The following OTOP1 variants were observed in gnomAD, a reference collection of about 807,000 sequenced individuals.
OTOP1 encodes proton channel OTOP1.
OTOP1 carries 59 observed loss-of-function variants against 52.9 expected under a neutral mutation model. That is an observed-to-expected ratio of 1.12 (90% CI 0.91 to 1.39). The LOEUF (loss-of-function observed/expected upper bound fraction) is 1.39. Among genes scored for constraint, OTOP1 ranks in the 40% most tolerant of loss-of-function variants. OTOP1 has a pLI of 0.00. For synonymous variants in OTOP1, 317 were observed against 337.7 expected, an observed-to-expected ratio of 0.94 and a Z score of 0.67; for missense variants, 761 against 800.9, an observed-to-expected ratio of 0.95 and a Z score of 0.60.
chr4:4,219,504 A>C (rs781387887), intron 1 of OTOP1, among the ~76,000 whole-genome samples: 17 of 151,952 alleles, frequency 1.1e-4, no homozygotes, highest in Admixed American at 1.1e-3. Context: ...GATCGAGACC[A>C]TCCTGGCCAA....
intron 4 of OTOP1, among the ~76,000 whole-genome samples, chr4:4,199,602 A>T (rs1217378361): frequency 6.6e-6 from 1 of 152,072 alleles, no homozygotes; most frequent in Non-Finnish European, 1.5e-5. Context: ...TTGTAGAGAC[A>T]GGGTTCCGCC....
chr4:4,198,741 G>T (rs1257172204), intron 4 of OTOP1, among the ~76,000 whole-genome samples: 9 of 152,138 alleles, frequency 5.9e-5, no homozygotes, highest in African/African-American at 2.2e-4. Context: ...GCTGGCTGCG[G>T]TATGGAGGGC....
chr4:4,205,352 G>A (rs1716878588), intron 3 of OTOP1, among the ~76,000 whole-genome samples: 1 of 152,146 alleles, frequency 6.6e-6, no homozygotes, highest in Non-Finnish European at 1.5e-5. Context: ...AAAATGCAGG[G>A]GACATTGCCT....
chr4:4,217,605 C>T (rs1474804537), intron 1 of OTOP1, among the ~76,000 whole-genome samples: 1 of 152,122 alleles, frequency 6.6e-6, no homozygotes, highest in Non-Finnish European at 1.5e-5. Context: ...TGAGGAGTTT[C>T]ACATCTAGTG....
chr4:4,216,742 G>A (rs1176218049), intron 1 of OTOP1, among the ~76,000 whole-genome samples: 1 of 152,224 alleles, frequency 6.6e-6, no homozygotes, highest in Non-Finnish European at 1.5e-5. Flanking sequence ...AAGATGAGGC[G>A]AGGCAGCGTG....
intron 2 of OTOP1, among the ~76,000 whole-genome samples, chr4:4,211,832 A>C (rs781304098): frequency 9.3e-4 from 141 of 152,324 alleles, no homozygotes; most frequent in East Asian, 1.9e-4. Flanking sequence ...GAGAGGAAAA[A>C]TTAGAAGATT....
chr4:4,191,583 T>C (rs1577173392), intron 5 of OTOP1, among the ~76,000 whole-genome samples: 1 of 152,212 alleles, frequency 6.6e-6, no homozygotes, highest in East Asian at 1.9e-4. Flanking sequence ...CCAGCCATTG[T>C]TCCCTCTGCC....
chr4:4,215,999 A>G (rs568993955), intron 1 of OTOP1, among the ~76,000 whole-genome samples: 2 of 152,120 alleles, frequency 1.3e-5, no homozygotes, highest in African/African-American at 2.4e-5. Context: ...GGTTTTTGCT[A>G]TGCTGGCCAG....
chr4:4,196,717 G>A (rs970523011), intron 5 of OTOP1, among the ~76,000 whole-genome samples: 8 of 152,080 alleles, frequency 5.3e-5, no homozygotes, highest in South Asian at 2.1e-4. Context: ...AACAGGGCGC[G>A]ACCCTGTCTC....
At position 4,197,363 on chromosome 4, in the gene OTOP1, G is replaced by A. The variant is rs1343745799; in HGVS notation, c.1471C>T (p.Gln491Ter). Residue 491 changes from glutamine to a stop codon, truncating the protein, a stop_gained, in exon 5 of 6, where the codon CAG (glutamine) becomes TAG (stop). Transcript: ENST00000296358. LOFTEE classifies it high-confidence loss of function. Reference sequence around the variant, plus strand: ...GCTGCTGGTGGCATGTCCTTGCCCTGGGGAGCCACATCTCTGGCCACACCT... The same window carrying A: ...GCTGCTGGTGGCATGTCCTTGCCCTAGGGAGCCACATCTCTGGCCACACCT... ...SGGVARDVAPQGKDMPPAANG... is the reference protein window; with the variant it reads ...SGGVARDVAP 2 of 1,613,888 alleles carry A rather than the reference G, an allele frequency of 1.2e-6. No individual in the cohort carries two copies. Among genetic ancestry groups the A allele is most frequent in the African/African-American group, 1.3e-5 (1 of 74,888 alleles).
In OTOP1 at chr4:4,197,577, G is replaced by A. The variant is rs1382616022; in HGVS notation, c.1257C>T (p.Pro419=). The change falls in exon 5 of 6, where the codon CCC becomes CCT. Residue 419 remains proline, a synonymous_variant. Transcript: ENST00000296358. ...ILAILCAEGH[P]RYTWYNLPYS... is the part of the protein sequence containing the mutation. ...AGGGCAGGTTGTACCAGGTGTAGCG[G>A]GGGTGGCCCTCAGCACAGAGGATGG... The A allele has an allele frequency of 1.2e-6, 2 of 1,613,900 alleles. No homozygotes were observed. The highest frequency in any genetic ancestry group is 2.7e-5 in the African/African-American group (2 of 74,862).
intron 2 of OTOP1, among the ~76,000 whole-genome samples, chr4:4,210,705 T>C (rs955059171): frequency 4.6e-5 from 7 of 152,086 alleles, no homozygotes; most frequent in Non-Finnish European, 4.4e-5. Flanking sequence ...GTGGCAGGTG[T>C]CTGTCATCGG....
chr4:4,209,689 T>A (rs186541833), intron 2 of OTOP1, among the ~76,000 whole-genome samples: 1 of 152,254 alleles, frequency 6.6e-6, no homozygotes, highest in Admixed American at 6.5e-5. Flanking sequence ...ATAGGTACTG[T>A]GATTGTCCCC....
Position 4,226,731 on chromosome 4 carries a change from C to T in OTOP1, c.134G>A (p.Arg45Gln). The T allele has an allele frequency of 7.2e-7, 1 of 1,393,250 alleles. No individual in the cohort carries two copies. The highest frequency in any genetic ancestry group is 2.6e-4 in the Middle Eastern group (1 of 3,778). 86.3% of individuals were successfully genotyped at this position (1,393,250 alleles called of 1,614,324 possible). ...GACGCTGGCGCGCACACCGCCCCGC[C>T]GGGGGGCCGGGGATTCCGGGGACCT... ...APRSPESPAPRRGGVRASVPQ... is the reference protein window; with the variant it reads ...APRSPESPAPQRGGVRASVPQ... Residue 45 changes from arginine to glutamine, a missense_variant, in exon 1 of 6, where the codon CGG becomes CAG. Physicochemically the swap from Arg to Gln is conservative, Grantham distance 43 (BLOSUM62 1). This residue lies in a region of OTOP1 where 73 missense variants were observed against 75.7 expected (regional missense o/e 0.96). Coordinates refer to ENST00000296358, the MANE Select transcript of OTOP1 (RefSeq NM_177998.3).
intron 1 of OTOP1, among the ~76,000 whole-genome samples, chr4:4,221,427 T>A (rs1717298998): frequency 1.3e-5 from 2 of 151,680 alleles, no homozygotes; most frequent in African/African-American, 4.9e-5. Context: ...TGTCCTTATT[T>A]AAAAATAAAA....
chr4:4,201,469 T>A (rs2980133), intron 4 of OTOP1, among the ~76,000 whole-genome samples: 3 of 137,670 alleles, frequency 2.2e-5, no homozygotes, highest in Admixed American at 2.1e-4. Flanking sequence ...AATATATATA[T>A]ATACACACAC....
chr4:4,198,376 T>TG (rs1716701483), intron 4 of OTOP1, among the ~76,000 whole-genome samples: 1 of 151,762 alleles, frequency 6.6e-6, no homozygotes, highest in Non-Finnish European at 1.5e-5. Flanking sequence ...AAAAAATAGA[T>TG]ATGTAGATGA....
chr4:4,223,338 C>A (rs1717341807), intron 1 of OTOP1, among the ~76,000 whole-genome samples: 1 of 152,134 alleles, frequency 6.6e-6, no homozygotes, highest in Non-Finnish European at 1.5e-5. Flanking sequence ...GGTGCCAATG[C>A]TCGGAGTCAA....
rs1356668306 is a variant in OTOP1, at chr4:4,197,268, T to G, written c.1566A>C (p.Gly522=). The G allele has an allele frequency of 1.9e-6, 3 of 1,614,168 alleles. No individual in the cohort carries two copies. Among genetic ancestry groups the G allele is most frequent in the Non-Finnish European group, 2.5e-6 (3 of 1,180,034 alleles). ...GAAGGCGGACTGGGCTTGGGCTCCC[T>G]CCCCAGCTGCTCTCCTCCTGCTTCT... ...EEEKQEESSW[G]GSPSPVRLPR... The change falls in exon 5 of 6, where the codon GGA becomes GGC. Residue 522 remains glycine (G), a synonymous_variant. Transcript: ENST00000296358.
Sources: allele counts gnomAD v4.1 joint callset (sites outside exome capture counted in the v4.1 genomes callset), GRCh38; gene constraint gnomAD v4.1.1; regional missense constraint gnomAD v4.1.1; transcripts MANE v1.5; gene names NCBI Gene and HGNC (gene_info 2026-07-23, HGNC 2026-07-21).